The following ECI2 variants were observed in gnomAD, a reference collection of about 807,000 sequenced individuals.
ECI2 encodes the protein D3,D2-enoyl-CoA isomerase.
ECI2 carries 27 observed loss-of-function variants against 38.4 expected under a neutral mutation model. The observed-to-expected ratio is 0.70, with a 90% CI of 0.52 to 0.97. ECI2 has a LOEUF of 0.97. ECI2 is among the 50% of genes least tolerant of loss of function. The pLI, the probability that ECI2 is intolerant of heterozygous loss-of-function variation, is 0.00. For synonymous variants in ECI2, 168 were observed against 172.0 expected (o/e 0.98, Z 0.18); for missense variants, 470 against 474.4 (o/e 0.99, Z 0.09).
At chr6:4,125,784 C>T (rs1773112249) in intron 6 of ECI2, 2 of 423,722 alleles carry the variant, frequency 4.7e-6, no homozygotes, top group Non-Finnish European at 4.4e-6. Flanking sequence ...AAGACTCCTC[C>T]GAGTCTCCTA....
intron 9 of ECI2, 113 bp from the exon 10 acceptor site, chr6:4,116,142 G>A: frequency 8.4e-7 from 1 of 1,196,818 alleles, no homozygotes; most frequent in Non-Finnish European, 1.2e-6. Context: ...GTTGAGGTCA[G>A]GAGTTCAAGA....
At chr6:4,125,074 T>A (rs1773052821) in intron 7 of ECI2, 176 bp downstream of exon 7, 1 of 1,078,010 alleles carries the variant, frequency 9.3e-7, no homozygotes, top group Admixed American at 2.2e-5. Context: ...AAGTTAATAA[T>A]GAAGGAAAAA....
chr6:4,133,903 C>G (rs754521464), intron 1 of ECI2, 192 bp from the exon 2 acceptor site: 101 of 531,950 alleles, frequency 1.9e-4, no homozygotes, highest in Non-Finnish European at 2.5e-4. Context: ...AATACAGAAG[C>G]TAACAGTAGT....
In ECI2 at chr6:4,135,504, A is replaced by G; in HGVS notation, c.50+7T>C. The G allele has an allele frequency of 3.1e-6, 5 of 1,604,118 alleles. No individual in the cohort carries two copies. The highest frequency in any genetic ancestry group is 4.3e-6 in the Non-Finnish European group (5 of 1,174,624). ...CATGGGCCGAACGGCCGGGACTCCA[A>G]GCTTACCTCGGACACGAACGCCGCG... On this transcript the variant is annotated splice_region_variant and intron_variant, in intron 1 of 9. Coordinates refer to ENST00000380118, the MANE Select transcript of ECI2 (RefSeq NM_206836.3).
At chr6:4,125,225 T>C (rs1462479445) in intron 7 of ECI2, 25 bp downstream of exon 7, 1 of 1,612,806 alleles carries the variant, frequency 6.2e-7, no homozygotes, top group Admixed American at 1.7e-5. Flanking sequence ...TTGCCTGACC[T>C]CTTGCTTTCT....
intron 2 of ECI2, among the ~76,000 whole-genome samples, chr6:4,132,546 C>T (rs1039350680): frequency 6.6e-6 from 1 of 152,176 alleles, no homozygotes; most frequent in Admixed American, 6.5e-5. Context: ...AAGAGAAGCT[C>T]ATACCCATCA....
chr6:4,133,824 T>C, intron 1 of ECI2, 113 bp from the exon 2 acceptor site: 1 of 1,302,664 alleles, frequency 7.7e-7, no homozygotes, highest in Non-Finnish European at 1.0e-6. Context: ...TCTATAGATA[T>C]TTTCTTTATA....
intron 8 of ECI2, 55 bp downstream of exon 8, chr6:4,119,131 C>T: frequency 7.0e-7 from 1 of 1,433,582 alleles, no homozygotes; most frequent in South Asian, 1.2e-5. Flanking sequence ...GATTACTCTT[C>T]CTTCTTTCTT....
At chr6:4,130,069 G>C in intron 4 of ECI2, 2 of 1,587,930 alleles carry the variant, frequency 1.3e-6, no homozygotes, top group Non-Finnish European at 1.7e-6. Context: ...ACCAACCTTA[G>C]ATGGCTTCTA....
chr6:4,117,102 T>A (rs1212553748), intron 9 of ECI2, among the ~76,000 whole-genome samples: 1 of 152,186 alleles, frequency 6.6e-6, no homozygotes, highest in African/African-American at 2.4e-5. Flanking sequence ...CACACAGAAA[T>A]GGAAGGTCTA....
chr6:4,125,321 C>G lies in ECI2; in HGVS notation c.724G>C (p.Val242Leu), dbSNP rs1773075133. The change falls in exon 7 of 10, where the codon GTC (valine) becomes CTC (leucine). Residue 242 changes from valine (V) to leucine (L), a missense_variant. Coordinates refer to ENST00000380118, the MANE Select transcript of ECI2 (RefSeq NM_206836.3). Reference sequence around the variant, plus strand: ...GAGATGCCCACAGCTGGACCATTGACCACTGCAATCAGAGGCTTAGGAAAA... The same window carrying G: ...GAGATGCCCACAGCTGGACCATTGAGCACTGCAATCAGAGGCTTAGGAAAA... ...IDFPKPLIAV[V>L]NGPAVGISVT... 1 of 1,614,040 alleles carries G rather than the reference C, an allele frequency of 6.2e-7. No individual in the cohort carries two copies. The highest frequency in any genetic ancestry group is 8.5e-7 in the Non-Finnish European group (1 of 1,180,034).
intron 4 of ECI2, among the ~76,000 whole-genome samples, chr6:4,129,248 G>C (rs986551049): frequency 6.6e-6 from 1 of 152,066 alleles, no homozygotes; most frequent in African/African-American, 2.4e-5. Flanking sequence ...GAGTAGCTGG[G>C]ACTATAGGTG....
chr6:4,120,260 G>A (rs1055281930), intron 7 of ECI2, among the ~76,000 whole-genome samples: 6 of 152,160 alleles, frequency 3.9e-5, no homozygotes, highest in African/African-American at 7.2e-5. Context: ...TTTTGTCATT[G>A]TGCCAATATC....
chr6:4,130,258 A>T, intron 4 of ECI2, 114 bp downstream of exon 4: 1 of 1,613,518 alleles, frequency 6.2e-7, no homozygotes, highest in Non-Finnish European at 8.5e-7. Flanking sequence ...TCCTGCACAA[A>T]TCAAACAAGA....
chr6:4,123,586 G>A (rs1015391077), intron 7 of ECI2, among the ~76,000 whole-genome samples: 1 of 150,154 alleles, frequency 6.7e-6, no homozygotes, highest in African/African-American at 2.4e-5. Context: ...GAATAGATAT[G>A]TTTTATATGT....
chr6:4,119,318 G>GT, intron 7 of ECI2, 43 bp from the exon 8 acceptor site: 2 of 1,376,420 alleles, frequency 1.5e-6, no homozygotes, highest in Non-Finnish European at 2.0e-6. Context: ...TTTCATGTGT[G>GT]ATTTTTTTTT....
intron 7 of ECI2, chr6:4,122,007 CTG>C: frequency 6.2e-7 from 1 of 1,606,678 alleles, no homozygotes; most frequent in South Asian, 1.1e-5. Flanking sequence ...AAGCAGGAAA[CTG>C]AGAAACCTGC....
chr6:4,115,976 G>C lies in ECI2; in HGVS notation c.1083C>G (p.His361Gln). Residue 361 changes from histidine (H) to glutamine (Q), a missense_variant, in exon 10 of 10, where the codon CAC (histidine) becomes CAG (glutamine). Coordinates refer to ENST00000380118, the MANE Select transcript of ECI2 (RefSeq NM_206836.3). ...CATTGCATTCTTCAGCATTAACAGC[G>C]TGTAGTTTTTCTCTCTCTCTTTTCC... ...VIRKREREKL[H>Q]AVNAEECNVL... 1.2e-6 allele frequency: 2 copies of C among 1,614,088 alleles called. No individual in the cohort carries two copies. Among genetic ancestry groups the C allele is most frequent in the South Asian group, 1.1e-5 (1 of 91,040 alleles).
intron 1 of ECI2, 74 bp from the exon 2 acceptor site, chr6:4,133,785 A>T: frequency 6.7e-7 from 1 of 1,484,682 alleles, no homozygotes; most frequent in Non-Finnish European, 8.9e-7. Flanking sequence ...AATTGTTCCC[A>T]GCCTATACAT....
Sources: allele counts gnomAD v4.1 joint callset (sites outside exome capture counted in the v4.1 genomes callset), GRCh38; gene constraint gnomAD v4.1.1; transcripts MANE v1.5; gene names NCBI Gene and HGNC (gene_info 2026-07-23, HGNC 2026-07-21).